The following SLC26A7 variants were observed in gnomAD, a reference collection of about 807,000 sequenced individuals.
SLC26A7 encodes solute carrier family 26 member 7.
Under a neutral mutation model 82.5 loss-of-function variants are expected in SLC26A7, and 59 were observed. That is an observed-to-expected ratio of 0.72 (90% CI 0.58 to 0.89). The LOEUF is 0.89. SLC26A7 is among the 40% of genes least tolerant of loss of function. The probability of loss-of-function intolerance (pLI) is 0.00; values close to 1 mark genes in which losing one functional copy is unlikely to be tolerated. For synonymous variants in SLC26A7, 271 were observed against 274.3 expected (o/e 0.99, Z 0.12); for missense variants, 820 against 793.0 (o/e 1.03, Z -0.41).
rs1398624534 is a variant in SLC26A7, at chr8:91,343,475, A to G, written c.1140+9A>G. Reference sequence around the variant, plus strand: ...CAGGAGCGAAGACACAGGTAACTGAATTGTTCCACAGGGACAAAGCACTGC... The same window carrying G: ...CAGGAGCGAAGACACAGGTAACTGAGTTGTTCCACAGGGACAAAGCACTGC... On this transcript the variant is annotated intron_variant, in intron 9 of 18. Coordinates refer to ENST00000276609, the MANE Select transcript of SLC26A7 (RefSeq NM_052832.4). 4.4e-6 allele frequency: 7 copies of G among 1,599,864 alleles called. No homozygotes were observed. The Admixed American group carries it at 1.0e-4, about 23-fold the overall frequency.
chr8:91,239,000 T>C (rs1042077312), intron 2 of SLC26A7, among the ~76,000 whole-genome samples: 5 of 152,222 alleles, frequency 3.3e-5, no homozygotes, highest in Admixed American at 3.3e-4. Context: ...TATTACTTTA[T>C]TTTGGCCCTA....
intron 4 of SLC26A7, among the ~76,000 whole-genome samples, chr8:91,300,601 T>G (rs1169653824): frequency 6.6e-6 from 1 of 151,952 alleles, no homozygotes; most frequent in Non-Finnish European, 1.5e-5. Flanking sequence ...GTTTCACCGT[T>G]ATAGCCGGGA....
intron 15 of SLC26A7, 97 bp downstream of exon 15, chr8:91,369,930 C>T: frequency 1.1e-6 from 1 of 915,068 alleles, no homozygotes; most frequent in South Asian, 1.5e-5. Flanking sequence ...CATCTGCCTC[C>T]CTCTTCTGTT....
intron 2 of SLC26A7, among the ~76,000 whole-genome samples, chr8:91,266,452 G>A (rs1163331662): frequency 2.0e-5 from 3 of 151,560 alleles, no homozygotes; most frequent in African/African-American, 7.3e-5. Context: ...TCCCATCCTT[G>A]GTTATATTTA....
intron 2 of SLC26A7, among the ~76,000 whole-genome samples, chr8:91,287,967 T>A (rs1811756185): frequency 6.6e-6 from 1 of 152,126 alleles, no homozygotes; most frequent in African/African-American, 2.4e-5. Flanking sequence ...TAGGGATACA[T>A]TACCAGCAAA....
At position 91,369,811 on chromosome 8, in the gene SLC26A7, C is replaced by G; in HGVS notation, c.1653C>G (p.Ser551=). ...GTGAACAAAACACATTGCTTAATTC[C>G]CTATCCAATGGCAACTGCAATGGTG... The part of the protein sequence containing the change: ...SKCEQNTLLN[S]LSNGNCNEEA... The change falls in exon 15 of 19, where the codon TCC becomes TCG. Residue 551 remains serine, a synonymous_variant. Transcript: ENST00000276609. 6.3e-7 allele frequency: 1 copy of G among 1,598,986 alleles called. No individual in the cohort carries two copies. Among genetic ancestry groups the G allele is most frequent in the Non-Finnish European group, 8.5e-7 (1 of 1,173,196 alleles).
chr8:91,248,130 G>C (rs550327443), upstream of SLC26A7, among the ~76,000 whole-genome samples: 1 of 152,010 alleles, frequency 6.6e-6, no homozygotes, highest in African/African-American at 2.4e-5. Flanking sequence ...CTCTCTACAG[G>C]CCCCAAACCT....
rs1811988269 is a variant in SLC26A7, at chr8:91,295,402, A to G, written c.305-129A>G. 4 of 995,858 alleles carry G rather than the reference A, an allele frequency of 4.0e-6. No individual in the cohort carries two copies. The South Asian group carries it at 7.6e-5, about 19-fold the overall frequency. The allele number at this position is 995,858 out of a possible 1,614,324, so 61.7% of individuals were successfully genotyped here. A position where few individuals can be genotyped will look rare whatever the true frequency, so the allele number is the denominator to read the frequency against. On this transcript the variant is annotated intron_variant, in intron 3 of 18. Coordinates refer to ENST00000276609, the MANE Select transcript of SLC26A7 (RefSeq NM_052832.4). ...GTGAAGAGTGGAGAAGCAAGGCCAC[A>G]GAGGAGGGGACAGTGTTTCTAATAG...
intron 2 of SLC26A7, among the ~76,000 whole-genome samples, chr8:91,277,015 G>C (rs922002682): frequency 2.6e-5 from 4 of 152,104 alleles, no homozygotes; most frequent in African/African-American, 9.7e-5. Context: ...TGGAATTCTT[G>C]ACATGGCCTC....
chr8:91,272,995 G>A (rs983901557), intron 2 of SLC26A7, among the ~76,000 whole-genome samples: 2 of 152,060 alleles, frequency 1.3e-5, no homozygotes, highest in African/African-American at 4.8e-5. Context: ...CATATTAAGT[G>A]GAATAGATAA....
chr8:91,311,221 C>T (rs1812473233), intron 4 of SLC26A7, among the ~76,000 whole-genome samples: 1 of 152,072 alleles, frequency 6.6e-6, no homozygotes, highest in African/African-American at 2.4e-5. Flanking sequence ...CTTTTGCCAC[C>T]CACTTCAGTG....
intron 5 of SLC26A7, among the ~76,000 whole-genome samples, chr8:91,325,001 A>G (rs1812895764): frequency 6.6e-6 from 1 of 152,262 alleles, no homozygotes; most frequent in South Asian, 2.1e-4. Context: ...TTTCCAGTGG[A>G]ATTTCAGAAA....
chr8:91,336,920 A>G (rs1264275764), intron 6 of SLC26A7, among the ~76,000 whole-genome samples: 3 of 152,138 alleles, frequency 2.0e-5, no homozygotes, highest in African/African-American at 4.8e-5. Context: ...TAGATGTTTC[A>G]TGATGATTAT....
At chr8:91,361,740 T>C (rs931427816) in intron 11 of SLC26A7, among the ~76,000 whole-genome samples, 10 of 152,254 alleles carry the variant, frequency 6.6e-5, no homozygotes, top group African/African-American at 1.9e-4. Flanking sequence ...TCGTGTAATC[T>C]TTTGAAATGT....
At chr8:91,303,841 A>G (rs919706431) in intron 4 of SLC26A7, among the ~76,000 whole-genome samples, 1 of 152,188 alleles carries the variant, frequency 6.6e-6, no homozygotes, top group Admixed American at 6.5e-5. Flanking sequence ...CTTCTCAGAA[A>G]CATCATCAAC....
intron 2 of SLC26A7, among the ~76,000 whole-genome samples, chr8:91,274,060 T>C (rs80103073): frequency 0.023 from 3,439 of 152,304 alleles, 115 homozygotes; most frequent in African/African-American, 0.077. Context: ...TAAGATTTAG[T>C]GTTCCAGTAT....
chr8:91,257,916 G>A (rs897755698), intron 2 of SLC26A7, among the ~76,000 whole-genome samples: 5 of 152,052 alleles, frequency 3.3e-5, no homozygotes, highest in East Asian at 1.9e-4. Context: ...GGGAGGCCTC[G>A]GGAAACTTAC....
upstream of SLC26A7, chr8:91,249,167 G>T (rs1029379806): frequency 2.6e-5 from 4 of 152,260 alleles, no homozygotes; most frequent in African/African-American, 7.2e-5. Context: ...AGCTTGTAGA[G>T]AGAGACTGGA....
intron 4 of SLC26A7, among the ~76,000 whole-genome samples, chr8:91,313,120 G>A (rs1445841298): frequency 1.3e-5 from 2 of 152,044 alleles, no homozygotes; most frequent in Non-Finnish European, 2.9e-5. Context: ...ATAGTTTCAG[G>A]TCTCATATTT....
Sources: gnomAD v4.1 joint callset for allele counts (sites outside exome capture counted in the v4.1 genomes callset) on GRCh38, gnomAD v4.1.1 for gene constraint, MANE v1.5 for transcripts, NCBI Gene and HGNC (gene_info 2026-07-23, HGNC 2026-07-21) for gene names.